The following SGSM2 variants were observed in gnomAD, a reference collection of about 807,000 sequenced individuals.
SGSM2 encodes RUN and TBC1 domain containing 1.
Under a neutral mutation model 126.6 loss-of-function variants are expected in SGSM2, and 89 were observed. The ratio of observed to expected loss-of-function variants is 0.70; its 90% CI spans 0.59 to 0.84. The LOEUF is 0.84. SGSM2 is among the 40% of genes least tolerant of loss of function. The pLI is 0.00. For synonymous variants in SGSM2, 614 were observed against 574.3 expected (o/e 1.07, Z -0.99); for missense variants, 1,404 against 1,416.6 (o/e 0.99, Z 0.14).
At chr17:2,375,989 G>A (rs1211219788) in intron 18 of SGSM2, 114 bp downstream of exon 18, 18 of 1,507,080 alleles carry the variant, frequency 1.2e-5, no homozygotes, top group Non-Finnish European at 1.5e-5. Flanking sequence ...GCCCTGGAAG[G>A]GAGTTCTGAG....
Position 2,372,428 on chromosome 17 carries a change from C to A in SGSM2, c.1728C>A (p.Pro576=). Residue 576 remains proline, a synonymous_variant, in exon 15 of 24, where the codon CCC becomes CCA. Transcript: ENST00000268989. This position sits in a 1 kb window ranked among gnomAD's most constrained non-coding sequence, Gnocchi z 6.0. ...ATAGCGTTATCCCACCTGACCGGCC[C>A]CCGGGGGCCTCCGCGGGCCTCACCA... is the stretch of plus-strand genomic sequence containing the variant. The part of the protein sequence containing the change: ...VHHSVIPPDR[P]PGASAGLTKD... 6.2e-7 allele frequency: 1 copy of A among 1,600,838 alleles called. No individual in the cohort carries two copies. The highest frequency in any genetic ancestry group is 8.5e-7 in the Non-Finnish European group (1 of 1,175,868).
chr17:2,349,486 A>G (rs2064754041), intron 2 of SGSM2, among the ~76,000 whole-genome samples: 1 of 152,184 alleles, frequency 6.6e-6, no homozygotes, highest in African/African-American at 2.4e-5. Context: ...AGAATCAGAA[A>G]TTTGAACATC....
rs772456154 is a variant in SGSM2 at position 2,376,246 on chromosome 17, G to C, written c.2594G>C (p.Arg865Thr). The C allele has an allele frequency of 1.9e-6, 3 of 1,613,856 alleles. No homozygotes were observed. The highest frequency in any genetic ancestry group is 2.5e-6 in the Non-Finnish European group (3 of 1,179,992). The part of the protein sequence containing the change: ...YFTPPNLERL[R>T]DVMCSYVWEH... ...ACGCCCCCCAACCTCGAGAGGCTCA[G>C]AGACGTCATGTGCAGGTGCCTTGTG... Residue 865 changes from arginine to threonine, a missense_variant, in exon 19 of 24, where the codon AGA becomes ACA. By Grantham distance (71) the Arg-to-Thr change is moderately conservative. Transcript: ENST00000268989.
rs142302862 is a variant in SGSM2 at position 2,378,702 on chromosome 17, G to A, written c.2900-334G>A. Among the ~76,000 whole-genome samples, 191 of 152,292 alleles carry A rather than the reference G, an allele frequency of 1.3e-3. 2 individuals are homozygous for A. In the East Asian group the frequency reaches 0.016, roughly 13 times the overall value. Reference sequence around the variant, plus strand: ...CCAAGATGGGAGGCCTGTGACAGCTGCCCGGCTGAAGTGCAGGCAGAGTCT... The same window carrying A: ...CCAAGATGGGAGGCCTGTGACAGCTACCCGGCTGAAGTGCAGGCAGAGTCT... On this transcript the variant is annotated intron_variant, in intron 22 of 23. Transcript: ENST00000268989.
intron 12 of SGSM2, among the ~76,000 whole-genome samples, chr17:2,369,350 C>A (rs755851083): frequency 6.6e-6 from 1 of 152,206 alleles, no homozygotes; most frequent in Non-Finnish European, 1.5e-5. Flanking sequence ...ATGCTATTCA[C>A]TCTAATTCTG....
chr17:2,376,865 CGA>C, intron 20 of SGSM2, 50 bp downstream of exon 20: 1 of 1,610,462 alleles, frequency 6.2e-7, no homozygotes, highest in Non-Finnish European at 8.5e-7. Context: ...GGAGAAAGGA[CGA>C]GAGGGTGGCC....
intron 2 of SGSM2, among the ~76,000 whole-genome samples, chr17:2,345,266 A>G (rs1235619249): frequency 6.6e-6 from 1 of 152,176 alleles, no homozygotes; most frequent in Non-Finnish European, 1.5e-5. Flanking sequence ...GTTCGAGACC[A>G]GCCTGGCCAA....
intron 2 of SGSM2, among the ~76,000 whole-genome samples, chr17:2,357,116 C>T (rs911522867): frequency 7.9e-5 from 12 of 152,068 alleles, no homozygotes; most frequent in Non-Finnish European, 1.5e-4. Context: ...GAGGTCACAT[C>T]GGGGCTGGTG....
intron 2 of SGSM2, among the ~76,000 whole-genome samples, chr17:2,343,967 C>T (rs1188973207): frequency 6.6e-6 from 1 of 152,166 alleles, no homozygotes; most frequent in African/African-American, 2.4e-5. Flanking sequence ...AGAGCCGCTG[C>T]CCTAGGTCAT....
intron 16 of SGSM2, 93 bp downstream of exon 16, chr17:2,373,174 A>C: frequency 6.4e-7 from 1 of 1,565,952 alleles, no homozygotes; most frequent in Middle Eastern, 1.7e-4. Flanking sequence ...GCCCCTTCCC[A>C]GCCGGAAAGA....
Position 2,337,882 on chromosome 17 carries a change from G to A in SGSM2, c.57+137G>A. 1 of 455,776 alleles carries A rather than the reference G, an allele frequency of 2.2e-6. No homozygotes were observed. Among genetic ancestry groups the A allele is most frequent in the Non-Finnish European group, 3.6e-6 (1 of 281,472 alleles). 28.2% of individuals were successfully genotyped at this position (455,776 alleles called of 1,614,324 possible). A position where few individuals can be genotyped will look rare whatever the true frequency, so the allele number is the denominator to read the frequency against. On this transcript the variant is annotated intron_variant, in intron 1 of 23. Coordinates refer to ENST00000268989, the MANE Select transcript of SGSM2 (RefSeq NM_014853.3). This position sits in a 1 kb window ranked among gnomAD's most constrained non-coding sequence, Gnocchi z 5.1. ...GGGCGGGGCGGGTCCTGGACGGGCT[G>A]CGCCTCCTTCCCCTTTCTCGGATGG...
intron 1 of SGSM2, among the ~76,000 whole-genome samples, chr17:2,341,586 T>G (rs1162164499): frequency 6.6e-6 from 1 of 152,192 alleles, no homozygotes; most frequent in Non-Finnish European, 1.5e-5. Context: ...ATCAGAACAT[T>G]ACATTCCTGT....
At chr17:2,365,701 C>A (rs1481979451) in intron 11 of SGSM2, among the ~76,000 whole-genome samples, 2 of 151,970 alleles carry the variant, frequency 1.3e-5, no homozygotes, top group Non-Finnish European at 2.9e-5. Context: ...ACCTCCTGCT[C>A]CCCAACCCCT....
In SGSM2 at chr17:2,376,848, G is replaced by C. The variant is rs747308087; in HGVS notation, c.2692+33G>C. 12 of 1,612,866 alleles carry C rather than the reference G, an allele frequency of 7.4e-6. No individual in the cohort carries two copies. The African/African-American group carries it at 8.0e-5, about 11-fold the overall frequency. On this transcript the variant is annotated intron_variant, in intron 20 of 23. Coordinates refer to ENST00000268989, the MANE Select transcript of SGSM2 (RefSeq NM_014853.3). ...ATGGCGGGACATGGGACTGGGCTGC[G>C]TAAGCTGGAGAAAGGACGAGAGGGT...
At chr17:2,375,985 G>C in intron 18 of SGSM2, 110 bp downstream of exon 18, 1 of 1,508,058 alleles carries the variant, frequency 6.6e-7, no homozygotes, top group Non-Finnish European at 8.8e-7. Context: ...GACTGCCCTG[G>C]AAGGGAGTTC....
chr17:2,363,645 G>C lies in SGSM2; in HGVS notation c.807+46G>C. The C allele has an allele frequency of 6.2e-7, 1 of 1,601,600 alleles. No homozygotes were observed. ...CATCCCTCCCCGAAGGTCCCCGAAC[G>C]AGACGACTGGAAGCCTCTAGCCATG... On this transcript the variant is annotated intron_variant, in intron 7 of 23. Coordinates refer to ENST00000268989, the MANE Select transcript of SGSM2 (RefSeq NM_014853.3). This position sits in a 1 kb window ranked among gnomAD's most constrained non-coding sequence, Gnocchi z 4.2.
chr17:2,377,012 T>C lies in SGSM2; in HGVS notation c.2746T>C (p.Phe916Leu). ...CCTCATGAAGAGGATGAGCCAGAAC[T>C]TCCCCAACGGGGGTGCCATGGACAC... ...SHLMKRMSQN[F>L]PNGGAMDTHF... is the part of the protein sequence containing the mutation. The change falls in exon 21 of 24, where the codon TTC becomes CTC. Residue 916 changes from phenylalanine (F) to leucine (L), a missense_variant. Coordinates refer to ENST00000268989, the MANE Select transcript of SGSM2 (RefSeq NM_014853.3). The C allele has an allele frequency of 6.2e-7, 1 of 1,613,842 alleles. No homozygotes were observed. The highest frequency in any genetic ancestry group is 8.5e-7 in the Non-Finnish European group (1 of 1,179,950).
intron 1 of SGSM2, among the ~76,000 whole-genome samples, chr17:2,339,906 CA>C (rs1567794154): frequency 2.0e-5 from 3 of 152,070 alleles, no homozygotes; most frequent in African/African-American, 7.2e-5. Context: ...TTTCTTAGGC[CA>C]GGGGTGTATC....
rs758457709 is a variant in SGSM2, at chr17:2,379,455, C to G, written c.3091C>G (p.Gln1031Glu). 1.9e-5 allele frequency: 30 copies of G among 1,613,476 alleles called. No homozygotes were observed. The East Asian group carries it at 6.2e-4, about 34-fold the overall frequency. The part of the protein sequence containing the change: ...FNERAEHHDA[Q>E]EILRIARDLV... ...AGAACGTGCTGAGCATCACGATGCC[C>G]AGGAGATCCTGCGGATTGCCCGGGA... The change falls in exon 24 of 24, where the codon CAG (glutamine) becomes GAG (glutamate). Residue 1031 changes from glutamine (Q) to glutamate (E), a missense_variant. Transcript: ENST00000268989.
Sources: gnomAD v4.1 joint callset for allele counts (sites outside exome capture counted in the v4.1 genomes callset) on GRCh38, gnomAD v4.1.1 for gene constraint, Gnocchi (gnomAD v3.1) non-coding constraint, MANE v1.5 for transcripts, NCBI Gene and HGNC (gene_info 2026-07-23, HGNC 2026-07-21) for gene names.